The following ZNF385D variants were observed in gnomAD, a reference collection of about 807,000 sequenced individuals.
The protein encoded by ZNF385D is zinc finger protein 659.
Under a neutral mutation model 35.8 loss-of-function variants are expected in ZNF385D, and 15 were observed. That is an observed-to-expected ratio of 0.42 (90% confidence interval 0.28 to 0.64). The LOEUF is 0.64. ZNF385D is among the 30% of genes least tolerant of loss of function. The pLI is 0.23. For missense variants in ZNF385D, 474 were observed against 494.6 expected (o/e 0.96, Z 0.39); for synonymous variants, 212 against 186.8 (o/e 1.13, Z -1.10).
At chr3:21,916,572 T>G (rs1358198604) in intron 3 of ZNF385D, among the ~76,000 whole-genome samples, 1 of 152,220 alleles carries the variant, frequency 6.6e-6, no homozygotes, top group African/African-American at 2.4e-5. Flanking sequence ...CGATTACATA[T>G]GCTTTGGCAT....
At chr3:21,507,988 C>A (rs1433456361) in intron 4 of ZNF385D, among the ~76,000 whole-genome samples, 1 of 152,112 alleles carries the variant, frequency 6.6e-6, no homozygotes, top group East Asian at 1.9e-4. Flanking sequence ...GCCTCTCAAC[C>A]TATATAACTT....
At chr3:21,561,514 C>T (rs1559407036) in intron 3 of ZNF385D, among the ~76,000 whole-genome samples, 1 of 152,160 alleles carries the variant, frequency 6.6e-6, no homozygotes, top group Non-Finnish European at 1.5e-5. Context: ...AACTGGGTAC[C>T]TCAGTTGGAA....
chr3:21,859,549 G>C (rs185124903), intron 3 of ZNF385D, among the ~76,000 whole-genome samples: 40 of 152,054 alleles, frequency 2.6e-4, no homozygotes, highest in Non-Finnish European at 5.3e-4. Context: ...GAAAAAGAGA[G>C]AAAACAGCAT....
chr3:21,888,337 A>G (rs1698661143), intron 3 of ZNF385D, among the ~76,000 whole-genome samples: 1 of 152,202 alleles, frequency 6.6e-6, no homozygotes, highest in Non-Finnish European at 1.5e-5. Context: ...AAGTAATAAA[A>G]TAAAACAAAA....
intron 1 of ZNF385D, among the ~76,000 whole-genome samples, chr3:21,740,479 T>A (rs1996630): frequency 0.11 from 17,106 of 152,162 alleles, 1,071 homozygotes; most frequent in African/African-American, 0.16. Flanking sequence ...ATTACTGTGA[T>A]CCTGAATCAA....
intron 2 of ZNF385D, among the ~76,000 whole-genome samples, chr3:22,216,546 T>C (rs2035854): frequency 0.39 from 59,691 of 152,000 alleles, 14,102 homozygotes; most frequent in East Asian, 0.72. Context: ...TTGACCCAGA[T>C]GTGAAAATAC....
chr3:21,725,173 A>C (rs903608733), intron 1 of ZNF385D, among the ~76,000 whole-genome samples: 2 of 152,232 alleles, frequency 1.3e-5, no homozygotes, highest in South Asian at 4.1e-4. Context: ...TCTGGGACAC[A>C]TTTAAAGCAG....
At chr3:21,859,251 T>C (rs1339801223) in intron 3 of ZNF385D, among the ~76,000 whole-genome samples, 1 of 151,984 alleles carries the variant, frequency 6.6e-6, no homozygotes, top group African/African-American at 2.4e-5. Flanking sequence ...TCAGCAAAAC[T>C]GCGCTTTATA....
intron 3 of ZNF385D, among the ~76,000 whole-genome samples, chr3:22,072,969 G>T (rs1160215882): frequency 6.6e-6 from 1 of 152,028 alleles, no homozygotes; most frequent in Middle Eastern, 3.4e-3. Context: ...CACCTTGACT[G>T]GATTGCCTCT....
intron 3 of ZNF385D, among the ~76,000 whole-genome samples, chr3:22,100,393 T>C (rs1471557511): frequency 2.0e-5 from 3 of 148,228 alleles, no homozygotes; most frequent in South Asian, 2.2e-4. Flanking sequence ...CGTATGTTTA[T>C]TGCGGCAGTA....
At chr3:21,757,281 T>C (rs2070387559) in intron 3 of ZNF385D, among the ~76,000 whole-genome samples, 1 of 152,020 alleles carries the variant, frequency 6.6e-6, no homozygotes, top group Non-Finnish European at 1.5e-5. Flanking sequence ...CAGCTGGGAC[T>C]ACAGGAGCAT....
intron 3 of ZNF385D, among the ~76,000 whole-genome samples, chr3:21,919,571 C>T (rs1459783250): frequency 6.6e-6 from 1 of 152,308 alleles, no homozygotes; most frequent in East Asian, 1.9e-4. Flanking sequence ...GCCACAGCCA[C>T]ATTTCCACTT....
chr3:22,042,252 AAC>A (rs1271281064), intron 3 of ZNF385D, among the ~76,000 whole-genome samples: 1 of 152,142 alleles, frequency 6.6e-6, no homozygotes, highest in Admixed American at 6.6e-5. Flanking sequence ...AAATGAAGAT[AAC>A]AGTCTCTTCC....
intron 3 of ZNF385D, among the ~76,000 whole-genome samples, chr3:21,767,098 T>C (rs758198264): frequency 7.1e-6 from 1 of 140,052 alleles, no homozygotes; most frequent in African/African-American, 2.7e-5. Context: ...GTGCACACTC[T>C]AGCTATTTCT....
At chr3:22,275,651 G>T (rs1701389082) in intron 2 of ZNF385D, among the ~76,000 whole-genome samples, 2 of 152,056 alleles carry the variant, frequency 1.3e-5, no homozygotes, top group Non-Finnish European at 2.9e-5. Context: ...ATTTGGAAAA[G>T]CCAATAATCA....
At chr3:22,085,179 A>C (rs979912100) in intron 3 of ZNF385D, among the ~76,000 whole-genome samples, 1 of 116,380 alleles carries the variant, frequency 8.6e-6, no homozygotes, top group African/African-American at 2.6e-5. Flanking sequence ...TAGAGAAGCA[A>C]GAGCGAACAA....
intron 3 of ZNF385D, among the ~76,000 whole-genome samples, chr3:22,106,964 C>A (rs556241213): frequency 7.9e-5 from 12 of 151,594 alleles, no homozygotes; most frequent in African/African-American, 2.9e-4. Flanking sequence ...CTGACATGAG[C>A]TCCTGGCAGG....
intron 3 of ZNF385D, among the ~76,000 whole-genome samples, chr3:21,920,332 G>A (rs1348662124): frequency 1.3e-5 from 2 of 151,806 alleles, no homozygotes; most frequent in Admixed American, 6.6e-5. Context: ...ATTTTTGAAG[G>A]AAAAAAAATT....
At chr3:22,076,517 G>C (rs149285346) in intron 3 of ZNF385D, among the ~76,000 whole-genome samples, 1 of 151,946 alleles carries the variant, frequency 6.6e-6, no homozygotes, top group Non-Finnish European at 1.5e-5. Context: ...TGGTCCTCCA[G>C]TGTTATGCTA....
Sources: allele counts gnomAD v4.1 joint callset (sites outside exome capture counted in the v4.1 genomes callset), GRCh38; gene constraint gnomAD v4.1.1; transcripts MANE v1.5; gene names NCBI Gene and HGNC (gene_info 2026-07-23, HGNC 2026-07-21).